Variants in ABHD6 observed in about 807,000 individuals in gnomAD.
ABHD6 encodes the protein abhydrolase domain containing 6, acylglycerol lipase, also known as monoacylglycerol lipase ABHD6.
A neutral mutation model predicts 38.8 loss-of-function variants in ABHD6; 33 were observed. That is an observed-to-expected ratio of 0.85 (90% CI 0.64 to 1.14). The LOEUF is 1.14. ABHD6 is among the 50% of genes most tolerant of loss of function. The pLI is 0.00. For synonymous variants in ABHD6, 147 were observed against 161.6 expected, an observed-to-expected ratio of 0.91 and a Z score of 0.69; for missense variants, 380 against 422.6, an observed-to-expected ratio of 0.90 and a Z score of 0.88.
Position 58,266,457 on chromosome 3 carries a change from C to A in ABHD6, c.120-732C>A, listed in dbSNP as rs2097441055. On this transcript the variant is annotated intron_variant, in intron 3 of 9. Coordinates refer to ENST00000478253, the MANE Select transcript of ABHD6 (RefSeq NM_001320126.2). This position sits in a 1 kb window ranked among gnomAD's most constrained non-coding sequence, Gnocchi z 4.0. ...TAAAAAAAAAAAAAACCTGACCAAA[C>A]AAACAACAAAAAAAAAAACCTTATG... Among the ~76,000 whole-genome samples the A allele has an allele frequency of 6.7e-6, 1 of 149,884 alleles. No individual in the cohort carries two copies. Among genetic ancestry groups the A allele is most frequent in the Non-Finnish European group, 1.5e-5 (1 of 67,358 alleles).
intron 9 of ABHD6, among the ~76,000 whole-genome samples, chr3:58,291,876 G>T (rs2097463299): frequency 6.6e-6 from 1 of 152,164 alleles, no homozygotes; most frequent in Non-Finnish European, 1.5e-5. Flanking sequence ...CTTGAGCCCG[G>T]GAGGTCAAGG....
At position 58,267,386 on chromosome 3, in the gene ABHD6, T is replaced by G; in HGVS notation, c.276+41T>G. On this transcript the variant is annotated intron_variant, in intron 4 of 9. Coordinates refer to ENST00000478253, the MANE Select transcript of ABHD6 (RefSeq NM_001320126.2). The surrounding 1 kb of genome is among the most constrained non-coding windows in gnomAD (Gnocchi z 4.3). ...CTTCTCTCTTATAAGAAAAGGGAGT[T>G]GGGTGCTGTGGCTCATGCCTATAAT... 1 of 1,609,914 alleles carries G rather than the reference T, an allele frequency of 6.2e-7. No individual in the cohort carries two copies. Among genetic ancestry groups the G allele is most frequent in the South Asian group, 1.1e-5 (1 of 90,686 alleles).
intron 2 of ABHD6, among the ~76,000 whole-genome samples, chr3:58,250,506 C>A (rs1297083695): frequency 6.6e-6 from 1 of 152,066 alleles, no homozygotes; most frequent in East Asian, 1.9e-4. Flanking sequence ...GAGAAGATTT[C>A]TCTGGCAGCT....
chr3:58,274,346 A>G (rs2271633), intron 6 of ABHD6, among the ~76,000 whole-genome samples: 70,824 of 152,026 alleles, frequency 0.47, 18,543 homozygotes, highest in African/African-American at 0.72. Context: ...GGCAACTTGT[A>G]AGAAGGCAAA....
In ABHD6 at chr3:58,256,524, CAG is replaced by C. The variant is rs1230128747; in HGVS notation, c.-25-35_-25-34del. The C allele has an allele frequency of 8.1e-7, 1 of 1,235,660 alleles. No individual in the cohort carries two copies. The highest frequency in any genetic ancestry group is 1.5e-5 in the African/African-American group (1 of 65,556). 76.5% of individuals were successfully genotyped at this position (1,235,660 alleles called of 1,614,324 possible). A position where few individuals can be genotyped will look rare whatever the true frequency, so the allele number is the denominator to read the frequency against. Reference sequence around the variant, plus strand: ...CTTCTTCGCCTTTTTTCCTTTGATACAGAGTTTTAATATCGTCATTCTCTTTG... The same window carrying C: ...CTTCTTCGCCTTTTTTCCTTTGATACAGTTTTAATATCGTCATTCTCTTTG... On this transcript the variant is annotated intron_variant, in intron 2 of 9. Transcript: ENST00000478253. This position sits in a 1 kb window ranked among gnomAD's most constrained non-coding sequence, Gnocchi z 4.3.
In ABHD6 at chr3:58,285,143, A is replaced by C; in HGVS notation, c.736+4A>C. 1.2e-6 allele frequency: 2 copies of C among 1,614,006 alleles called. No individual in the cohort carries two copies. Among genetic ancestry groups the C allele is most frequent in the Non-Finnish European group, 1.7e-6 (2 of 1,179,844 alleles). On this transcript the variant is annotated splice_donor_region_variant and intron_variant, in intron 8 of 9. Coordinates refer to ENST00000478253, the MANE Select transcript of ABHD6 (RefSeq NM_001320126.2). This position sits in a 1 kb window ranked among gnomAD's most constrained non-coding sequence, Gnocchi z 4.9. ...CATAACAACTTCTACCGAAAGTGTA[A>C]GTAGCCCTACTTTCAGCTTGGAGCT...
chr3:58,285,238 T>C lies in ABHD6; in HGVS notation c.736+99T>C. The C allele has an allele frequency of 6.6e-7, 1 of 1,517,324 alleles. No individual in the cohort carries two copies. The highest frequency in any genetic ancestry group is 1.1e-5 in the South Asian group (1 of 88,984). The allele number at this position is 1,517,324 out of a possible 1,614,324, so 94.0% of individuals were successfully genotyped here. A position where few individuals can be genotyped will look rare whatever the true frequency, so the allele number is the denominator to read the frequency against. ...ATCTCTGACACTTTGAATGTCTCTTTGGGCCCCTGAAGAGAGGAAGTGGTG... is the reference window on the plus strand; with the variant it reads ...ATCTCTGACACTTTGAATGTCTCTTCGGGCCCCTGAAGAGAGGAAGTGGTG... On this transcript the variant is annotated intron_variant, in intron 8 of 9. Transcript: ENST00000478253. The surrounding 1 kb of genome is among the most constrained non-coding windows in gnomAD (Gnocchi z 4.9).
chr3:58,282,417 G>T (rs1319135774), intron 7 of ABHD6, among the ~76,000 whole-genome samples: 1 of 152,110 alleles, frequency 6.6e-6, no homozygotes, highest in African/African-American at 2.4e-5. Context: ...GAAAGGGGAG[G>T]AGTCCCAGGT....
At chr3:58,282,273 T>C (rs921270364) in intron 7 of ABHD6, among the ~76,000 whole-genome samples, 1 of 151,924 alleles carries the variant, frequency 6.6e-6, no homozygotes, top group African/African-American at 2.4e-5. Flanking sequence ...AGAGCACAAA[T>C]GGAACAGAGG....
intron 1 of ABHD6, among the ~76,000 whole-genome samples, chr3:58,244,574 G>A (rs1481760436): frequency 3.3e-5 from 5 of 152,088 alleles, no homozygotes; most frequent in African/African-American, 7.2e-5. Context: ...AGAACAGCCT[G>A]GGTAACATAG....
At chr3:58,283,182 G>A (rs146133675) in intron 7 of ABHD6, among the ~76,000 whole-genome samples, 2 of 152,282 alleles carry the variant, frequency 1.3e-5, no homozygotes, top group East Asian at 3.9e-4. Flanking sequence ...TGATGCTGTG[G>A]CATGTTCCAC....
intron 1 of ABHD6, among the ~76,000 whole-genome samples, chr3:58,246,443 G>C (rs901420804): frequency 1.3e-5 from 2 of 152,208 alleles, no homozygotes; most frequent in African/African-American, 4.8e-5. Context: ...TGATCTGCCT[G>C]CCTGTCCCTC....
intron 9 of ABHD6, among the ~76,000 whole-genome samples, chr3:58,286,837 T>G (rs1227939801): frequency 1.1e-5 from 1 of 93,288 alleles, no homozygotes. Flanking sequence ...TGTGTGTGTG[T>G]GTGTGTGTGT....
At chr3:58,252,730 T>C (rs938397471) in intron 2 of ABHD6, among the ~76,000 whole-genome samples, 1 of 152,218 alleles carries the variant, frequency 6.6e-6, no homozygotes, top group African/African-American at 2.4e-5. Context: ...TCTTGGTTGA[T>C]CTCTGATTTT....
intron 3 of ABHD6, chr3:58,258,283 G>A: frequency 5.5e-6 from 2 of 363,830 alleles, no homozygotes; most frequent in South Asian, 2.0e-5. Context: ...CTCCAGCCTG[G>A]GCAACAAGAG....
In ABHD6 at chr3:58,271,413, G is replaced by A. The variant is rs2097444761; in HGVS notation, c.523+349G>A. ...TGCAGCACATACTTTGAAATATAATGTTACTATTAACATCCAACATTTATC... is the reference window on the plus strand; with the variant it reads ...TGCAGCACATACTTTGAAATATAATATTACTATTAACATCCAACATTTATC... On this transcript the variant is annotated intron_variant, in intron 6 of 9. Coordinates refer to ENST00000478253, the MANE Select transcript of ABHD6 (RefSeq NM_001320126.2). Among the ~76,000 whole-genome samples the A allele has an allele frequency of 2.0e-5, 3 of 151,754 alleles. No individual in the cohort carries two copies. In the South Asian group the frequency reaches 6.2e-4, roughly 31 times the overall value.
intron 1 of ABHD6, among the ~76,000 whole-genome samples, chr3:58,247,407 G>A (rs2097427165): frequency 6.6e-6 from 1 of 152,152 alleles, no homozygotes; most frequent in African/African-American, 2.4e-5. Context: ...ACTAGTGGCT[G>A]TTGAGCATTT....
At position 58,285,515 on chromosome 3, in the gene ABHD6, C is replaced by T; in HGVS notation, c.837+62C>T. On this transcript the variant is annotated intron_variant, in intron 9 of 9. Transcript: ENST00000478253. This position sits in a 1 kb window ranked among gnomAD's most constrained non-coding sequence, Gnocchi z 4.9. ...ACCAGGGCCTCTGAGGAAAAACGTC[C>T]TTGAGGAAGAACAAGTGGTTATTTA... 1.4e-6 allele frequency: 2 copies of T among 1,402,794 alleles called. No individual in the cohort carries two copies. The highest frequency in any genetic ancestry group is 1.7e-5 in the Admixed American group (1 of 59,300). 86.9% of individuals were successfully genotyped at this position (1,402,794 alleles called of 1,614,324 possible).
rs568445885 is a variant in ABHD6, at chr3:58,251,579, A to G, written c.-26+1637A>G. Among the ~76,000 whole-genome samples the G allele has an allele frequency of 3.0e-4, 45 of 152,242 alleles. No homozygotes were observed. Among genetic ancestry groups the G allele is most frequent in the African/African-American group, 1.1e-3 (44 of 41,544 alleles). On this transcript the variant is annotated intron_variant, in intron 2 of 9. Coordinates refer to ENST00000478253, the MANE Select transcript of ABHD6 (RefSeq NM_001320126.2). The surrounding 1 kb of genome is among the most constrained non-coding windows in gnomAD (Gnocchi z 5.4). ...GTAATGTTTATCTGGATCCACTGAC[A>G]TGTCCCCTATCCAATTAATCTTTGC...
Sources: gnomAD v4.1 joint callset for allele counts (sites outside exome capture counted in the v4.1 genomes callset) on GRCh38, gnomAD v4.1.1 for gene constraint, Gnocchi (gnomAD v3.1) non-coding constraint, MANE v1.5 for transcripts, NCBI Gene and HGNC (gene_info 2026-07-23, HGNC 2026-07-21) for gene names.